The following TTC39C variants were observed in gnomAD, a reference collection of about 807,000 sequenced individuals.
The protein encoded by TTC39C is tetratricopeptide repeat domain 39C, also known as tetratricopeptide repeat protein 39C.
A neutral mutation model predicts 76.3 loss-of-function variants in TTC39C; 33 were observed. That is an observed-to-expected ratio of 0.43 (90% CI 0.33 to 0.58). TTC39C has a LOEUF of 0.58. TTC39C is among the 20% of genes least tolerant of loss of function. The probability of loss-of-function intolerance (pLI) is 0.04; values close to 1 mark genes in which losing one functional copy is unlikely to be tolerated. For synonymous variants in TTC39C, 254 were observed against 260.6 expected, an observed-to-expected ratio of 0.97 and a Z score of 0.24; for missense variants, 595 against 701.4, an observed-to-expected ratio of 0.85 and a Z score of 1.71.
chr18:24,111,837 G>A (rs1201522936), intron 6 of TTC39C, among the ~76,000 whole-genome samples: 2 of 151,644 alleles, frequency 1.3e-5, no homozygotes, highest in Non-Finnish European at 2.9e-5. Flanking sequence ...GGGAGATTGA[G>A]GCAGCAGTGA....
At chr18:24,132,063 A>T in intron 13 of TTC39C, 143 bp downstream of exon 13, 1 of 705,556 alleles carries the variant, frequency 1.4e-6, no homozygotes, top group Non-Finnish European at 2.3e-6. Context: ...CAATTGAATC[A>T]GTGAGCTCTT....
intron 10 of TTC39C, among the ~76,000 whole-genome samples, chr18:24,127,672 T>C (rs2085067861): frequency 6.6e-6 from 1 of 151,946 alleles, no homozygotes; most frequent in Non-Finnish European, 1.5e-5. Context: ...GGCATGCCAC[T>C]ACACCCAGCT....
Position 24,001,832 on chromosome 18 carries a change from T to TTTTTTG in TTC39C, c.-17+8799_-17+8800insGTTTTT, listed in dbSNP as rs1555763435. 3.1e-4 allele frequency among the ~76,000 whole-genome samples: 41 copies of TTTTTTG among 134,370 alleles called. 1 individual carries two copies. Among genetic ancestry groups the TTTTTTG allele is most frequent in the Middle Eastern group, 3.8e-3 (1 of 264 alleles). The allele number at this position is 134,370 out of a possible 152,430, so 88.2% of individuals were successfully genotyped here. On this transcript the variant is annotated intron_variant, in intron 1 of 13. Coordinates refer to the TTC39C transcript ENST00000304621. ...GGTGTACGGTAATTCTGTTTTTTTT[T>TTTTTTG]TTTTTTTTTTTGAGACGGAGTCTCG...
In TTC39C at chr18:24,066,089, A is replaced by G; in HGVS notation, c.294A>G (p.Glu98=). The G allele has an allele frequency of 1.3e-6, 2 of 1,599,866 alleles. No individual in the cohort carries two copies. ...DDLKTTEKLC[E]SEEAGVIETI... is the part of the protein sequence containing the mutation. ...TAAAAACCACAGAAAAACTGTGTGA[A>G]AGTGAAGAGGCTGGAGTAATTGAAA... Residue 98 remains glutamate, a synonymous_variant, in exon 3 of 14, where the codon GAA becomes GAG. Coordinates refer to ENST00000317571, the MANE Select transcript of TTC39C (RefSeq NM_001135993.2).
Position 24,114,593 on chromosome 18 carries a change from T to A in TTC39C, c.1024T>A (p.Leu342Met). Reference protein sequence around the residue: ...NSALTSFHTALELAVDQREIQ... With the variant: ...NSALTSFHTAMELAVDQREIQ... Reference sequence around the variant, plus strand: ...TGCCTTGACATCTTTCCACACTGCTTTGGAACTTGCAGTAGACCAGAGAGA... The same window carrying A: ...TGCCTTGACATCTTTCCACACTGCTATGGAACTTGCAGTAGACCAGAGAGA... Residue 342 changes from leucine (L) to methionine (M), a missense_variant, in exon 7 of 14, where the codon TTG (leucine) becomes ATG (methionine). Leu to Met is a conservative substitution (Grantham distance 15). Coordinates refer to ENST00000317571, the MANE Select transcript of TTC39C (RefSeq NM_001135993.2). 1 of 1,614,068 alleles carries A rather than the reference T, an allele frequency of 6.2e-7. No individual in the cohort carries two copies. Among genetic ancestry groups the A allele is most frequent in the Non-Finnish European group, 8.5e-7 (1 of 1,179,978 alleles).
At chr18:24,103,371 T>C (rs9950830) in intron 6 of TTC39C, among the ~76,000 whole-genome samples, 1,682 of 152,340 alleles carry the variant, frequency 0.011, 28 homozygotes, top group African/African-American at 0.038. Context: ...GGTGGTCTTA[T>C]GTCAGAAATT....
chr18:24,106,506 C>CCTTCCTCTGCACATCCCT (rs2084746933), intron 6 of TTC39C, among the ~76,000 whole-genome samples: 1 of 152,256 alleles, frequency 6.6e-6, no homozygotes, highest in South Asian at 2.1e-4. Flanking sequence ...CAGTGTCCTC[C>CCTTCCTCTGCACATCCCT]CTTCCTCTGC....
At chr18:24,073,579 G>T (rs1195743402) in intron 4 of TTC39C, among the ~76,000 whole-genome samples, 1 of 151,822 alleles carries the variant, frequency 6.6e-6, no homozygotes, top group African/African-American at 2.4e-5. Context: ...CCAGGCTGGA[G>T]ATCATAGCTC....
At chr18:24,086,833 G>A (rs1472805432) in intron 6 of TTC39C, among the ~76,000 whole-genome samples, 8 of 152,150 alleles carry the variant, frequency 5.3e-5, no homozygotes, top group Admixed American at 4.6e-4. Context: ...TGTGGCAAAC[G>A]CTGTCTAAGT....
intron 6 of TTC39C, among the ~76,000 whole-genome samples, chr18:24,111,484 G>T (rs1001710596): frequency 2.0e-5 from 3 of 151,254 alleles, no homozygotes; most frequent in Non-Finnish European, 4.4e-5. Context: ...CAGGAGAATC[G>T]CTTGAACCCA....
intron 10 of TTC39C, 30 bp downstream of exon 10, chr18:24,125,580 C>T (rs2145826300): frequency 6.2e-7 from 1 of 1,613,084 alleles, no homozygotes; most frequent in Non-Finnish European, 8.5e-7. Flanking sequence ...CCAAAACTGT[C>T]TACTGGACAC....
At chr18:23,994,594 G>C (rs79221341) in intron 1 of TTC39C, 2 of 150,656 alleles carry the variant, frequency 1.3e-5, no homozygotes, top group African/African-American at 4.8e-5. Context: ...TGGTACTTAC[G>C]TTCCTTAGGT....
At chr18:24,048,226 A>C (rs1341684282) in intron 1 of TTC39C, among the ~76,000 whole-genome samples, 1 of 152,242 alleles carries the variant, frequency 6.6e-6, no homozygotes, top group Admixed American at 6.5e-5. Flanking sequence ...GAGACTAATA[A>C]ACCAGCGAAT....
chr18:24,086,497 G>C (rs1165484576), intron 6 of TTC39C, among the ~76,000 whole-genome samples: 1 of 152,196 alleles, frequency 6.6e-6, no homozygotes, highest in Admixed American at 6.5e-5. Context: ...ATCTGCTCCT[G>C]TCGTGCCACT....
At chr18:24,086,380 T>C (rs1229940734) in intron 6 of TTC39C, among the ~76,000 whole-genome samples, 1 of 152,212 alleles carries the variant, frequency 6.6e-6, no homozygotes, top group Non-Finnish European at 1.5e-5. Flanking sequence ...TATTTTCAAA[T>C]CCTGTTGAGT....
At chr18:24,035,718 C>CA (rs1280875749) in intron 1 of TTC39C, among the ~76,000 whole-genome samples, 1 of 149,658 alleles carries the variant, frequency 6.7e-6, no homozygotes, top group African/African-American at 2.4e-5. Flanking sequence ...TTTCCCCCCC[C>CA]ATTCCATGGA....
intron 11 of TTC39C, 52 bp downstream of exon 11, chr18:24,129,035 G>A (rs3816822): frequency 0.17 from 240,514 of 1,389,814 alleles, 21,307 homozygotes; most frequent in Admixed American, 0.22. Context: ...GAACACCTAC[G>A]TATATGCTTG....
At chr18:24,062,956 C>T (rs2084117550) in intron 1 of TTC39C, among the ~76,000 whole-genome samples, 3 of 152,172 alleles carry the variant, frequency 2.0e-5, no homozygotes, top group South Asian at 4.1e-4. Flanking sequence ...AAGTGTGCAC[C>T]TTCTCTTTCC....
chr18:24,018,822 C>G (rs758872258), intron 1 of TTC39C, among the ~76,000 whole-genome samples: 11 of 152,192 alleles, frequency 7.2e-5, no homozygotes, highest in Non-Finnish European at 1.3e-4. Context: ...AAAGAGTGGT[C>G]AGAACTGCAG....
Sources: gnomAD v4.1 joint callset for allele counts (sites outside exome capture counted in the v4.1 genomes callset) on GRCh38, gnomAD v4.1.1 for gene constraint, MANE v1.5 for transcripts, NCBI Gene and HGNC (gene_info 2026-07-23, HGNC 2026-07-21) for gene names.